The following ELAC2 variants were observed in gnomAD, a reference collection of about 807,000 sequenced individuals.
ELAC2 encodes zinc phosphodiesterase ELAC protein 2.
In ELAC2, 92 loss-of-function variants were observed where a neutral mutation model predicts 105.2. That is an observed-to-expected ratio of 0.87 (90% CI 0.74 to 1.04). The LOEUF (loss-of-function observed/expected upper bound fraction) is 1.04, where lower values mean the gene tolerates loss of function less well. Among genes scored for constraint, ELAC2 ranks in the 50% least tolerant of loss-of-function variants. ELAC2 has a pLI of 0.00. For missense variants in ELAC2, 1,099 were observed against 1,071.7 expected, an observed-to-expected ratio of 1.03 and a Z score of -0.36; for synonymous variants, 468 against 409.1, an observed-to-expected ratio of 1.14 and a Z score of -1.74.
Position 13,011,437 on chromosome 17 carries a change from C to T in ELAC2, c.679+226G>A, listed in dbSNP as rs564153728. 8.5e-5 allele frequency among the ~76,000 whole-genome samples: 13 copies of T among 152,302 alleles called. No homozygotes were observed. The East Asian group carries it at 1.4e-3, about 16-fold the overall frequency. Reference sequence around the variant, plus strand: ...GAACACAGTTTTGGGCCTACCCAGACCCTGGGTGGCCAAAACTGTGGACTG... The same window carrying T: ...GAACACAGTTTTGGGCCTACCCAGATCCTGGGTGGCCAAAACTGTGGACTG... On this transcript the variant is annotated intron_variant, in intron 7 of 23. Transcript: ENST00000338034.
At chr17:13,000,671 G>C (rs73296600) in intron 14 of ELAC2, 82,222 of 303,052 alleles carry the variant, frequency 0.27, 11,782 homozygotes, top group Middle Eastern at 0.33. Context: ...AGAAGCAGGG[G>C]CCCTAGAGGA....
At chr17:13,015,678 C>G in intron 4 of ELAC2, 90 bp downstream of exon 4, 1 of 1,083,798 alleles carries the variant, frequency 9.2e-7, no homozygotes, top group East Asian at 2.4e-5. Flanking sequence ...CTCTGGAGGG[C>G]AGAAGACTGA....
intron 19 of ELAC2, among the ~76,000 whole-genome samples, chr17:12,995,370 C>T (rs958321908): frequency 1.3e-5 from 2 of 152,194 alleles, no homozygotes; most frequent in African/African-American, 4.8e-5. Context: ...TAGCCACACA[C>T]CTGCTATGGA....
intron 14 of ELAC2, chr17:13,000,584 C>T (rs2040737522): frequency 4.9e-6 from 2 of 410,444 alleles, no homozygotes; most frequent in Non-Finnish European, 9.2e-6. Context: ...CACCACTACC[C>T]ACCTCCTAGG....
At chr17:12,998,102 T>C (rs1031067391) in intron 16 of ELAC2, among the ~76,000 whole-genome samples, 2 of 152,222 alleles carry the variant, frequency 1.3e-5, no homozygotes, top group African/African-American at 4.8e-5. Context: ...TGGGTAGTTA[T>C]TCACCACTTC....
At chr17:13,017,317 CTG>C (rs2041795128) in intron 1 of ELAC2, 196 bp from the exon 2 acceptor site, 1 of 666,786 alleles carries the variant, frequency 1.5e-6, no homozygotes, top group Middle Eastern at 4.1e-4. Context: ...GAGTGGGGGC[CTG>C]TGTGTGTGGG....
intron 8 of ELAC2, 30 bp downstream of exon 8, chr17:13,010,583 A>G: frequency 6.2e-7 from 1 of 1,609,732 alleles, no homozygotes; most frequent in Non-Finnish European, 8.5e-7. Flanking sequence ...GACCCCAGTC[A>G]TGTACAGCCC....
At chr17:13,009,747 T>C (rs943376328) in intron 8 of ELAC2, among the ~76,000 whole-genome samples, 6 of 152,152 alleles carry the variant, frequency 3.9e-5, no homozygotes, top group African/African-American at 1.2e-4. Flanking sequence ...TCCCAGCATT[T>C]TGGGAGGCCA....
At chr17:12,996,833 A>G (rs1313548636) in intron 16 of ELAC2, 148 bp from the exon 17 acceptor site, 2 of 1,113,582 alleles carry the variant, frequency 1.8e-6, no homozygotes, top group Non-Finnish European at 2.6e-6. Context: ...ATAAAAGCCA[A>G]TTAATTTAAC....
chr17:12,996,496 G>A (rs528686136), intron 17 of ELAC2, 51 bp downstream of exon 17: 8 of 1,612,198 alleles, frequency 5.0e-6, no homozygotes, highest in African/African-American at 2.7e-5. Context: ...CCAACTCAAC[G>A]TGGCAGTGCC....
intron 19 of ELAC2, among the ~76,000 whole-genome samples, 183 bp from the exon 20 acceptor site, chr17:12,995,245 A>C (rs1397039099): frequency 6.6e-6 from 1 of 152,216 alleles, no homozygotes; most frequent in Non-Finnish European, 1.5e-5. Flanking sequence ...CCTCTAGGCC[A>C]CTGGGAGAAA....
At chr17:13,007,316 GC>G (rs2041165283) in intron 8 of ELAC2, among the ~76,000 whole-genome samples, 1 of 152,030 alleles carries the variant, frequency 6.6e-6, no homozygotes, top group Non-Finnish European at 1.5e-5. Flanking sequence ...CATCAACTGT[GC>G]ATCTTCTTTT....
Position 13,015,821 on chromosome 17 carries a change from T to A in ELAC2, c.379A>T (p.Thr127Ser). Residue 127 changes from threonine to serine, a missense_variant, in exon 4 of 24, where the codon ACT becomes TCT. By Grantham distance (58) the Thr-to-Ser change is moderately conservative (BLOSUM62 1). Transcript: ENST00000338034. ...NVGGLSGMIL[T>S]LKETGLPKCV... is the part of the protein sequence containing the mutation. ...TTTGGAAGCCCGGTTTCCTTTAAAG[T>A]AAGAATCATTCCTAAAAAGGATGCA... The A allele has an allele frequency of 6.2e-7, 1 of 1,613,836 alleles. No homozygotes were observed. Among genetic ancestry groups the A allele is most frequent in the Non-Finnish European group, 8.5e-7 (1 of 1,179,760 alleles).
intron 8 of ELAC2, among the ~76,000 whole-genome samples, chr17:13,009,277 A>C (rs1389732339): frequency 6.6e-6 from 1 of 152,228 alleles, no homozygotes. Context: ...TGTAGCTTTT[A>C]GAATTTAGAT....
Position 13,005,074 on chromosome 17 carries a change from G to A in ELAC2, c.898C>T (p.Pro300Ser), listed in dbSNP as rs1383439267. The A allele has an allele frequency of 6.2e-7, 1 of 1,614,162 alleles. No homozygotes were observed. The highest frequency in any genetic ancestry group is 8.5e-7 in the Non-Finnish European group (1 of 1,180,016). Reference sequence around the variant, plus strand: ...ACCACAAAAGCAGCACCAGGATCTGGAGGAGTACACAGCTCTTCAGCCAAA... The same window carrying A: ...ACCACAAAAGCAGCACCAGGATCTGAAGGAGTACACAGCTCTTCAGCCAAA... ...EILAEELCTP[P>S]DPGAAFVVVE... Residue 300 changes from proline to serine, a missense_variant, in exon 11 of 24, where the codon CCA becomes TCA. By Grantham distance (74) the Pro-to-Ser change is moderately conservative. Coordinates refer to ENST00000338034, the MANE Select transcript of ELAC2 (RefSeq NM_018127.7).
rs144228112 is a variant in ELAC2, at chr17:12,992,881, C to G, written c.2418G>C (p.Gly806=). ...TGTGGGCCCGCTTCTGCTGAGGCTC[C>G]CCATCCTCCAGGCCGCCTGCCAGCT... ...SRELAGGLED[G]EPQQKRAHTE... is the part of the protein sequence containing the mutation. Residue 806 remains glycine, a synonymous_variant, in exon 24 of 24, where the codon GGG becomes GGC. Transcript: ENST00000338034. The G allele has an allele frequency of 2.5e-6, 4 of 1,612,974 alleles. No homozygotes were observed. In the African/African-American group the frequency reaches 5.3e-5, roughly 22 times the overall value.
In ELAC2 at chr17:13,016,745, C is replaced by CAAA. The variant is rs879009279; in HGVS notation, c.367+114_367+116dup. 3.1e-3 allele frequency: 1,993 copies of CAAA among 648,830 alleles called. 6 individuals carry two copies. Among genetic ancestry groups the CAAA allele is most frequent in the South Asian group, 3.6e-3 (182 of 51,056 alleles). The allele number at this position is 648,830 out of a possible 1,614,324, so 40.2% of individuals were successfully genotyped here. ...CAGTGAGCCAAGATCACGCCACTGA[C>CAAA]AAAAAAAAAAAAAAAAAAAAAAGTA... On this transcript the variant is annotated intron_variant, in intron 3 of 23. Coordinates refer to ENST00000338034, the MANE Select transcript of ELAC2 (RefSeq NM_018127.7).
chr17:13,006,039 C>T (rs767443307), intron 8 of ELAC2, 60 bp from the exon 9 acceptor site: 1 of 1,522,868 alleles, frequency 6.6e-7, no homozygotes, highest in African/African-American at 1.4e-5. Flanking sequence ...TGGTTTTAAT[C>T]AATTTTCTTA....
intron 17 of ELAC2, 69 bp from the exon 18 acceptor site, chr17:12,996,047 G>T: frequency 6.6e-7 from 1 of 1,523,166 alleles, no homozygotes. Flanking sequence ...AGGGTCTGCA[G>T]CCCTCTCTCT....
Sources: gnomAD v4.1 joint callset for allele counts (sites outside exome capture counted in the v4.1 genomes callset) on GRCh38, gnomAD v4.1.1 for gene constraint, MANE v1.5 for transcripts, NCBI Gene and HGNC (gene_info 2026-07-23, HGNC 2026-07-21) for gene names.